CDKL2: variants seen among roughly 807,000 people sequenced by gnomAD.
The protein encoded by CDKL2 is cyclin-dependent kinase-like 2.
A neutral mutation model predicts 63.9 loss-of-function variants in CDKL2; 64 were observed. The ratio of observed to expected loss-of-function variants is 1.00; its 90% CI spans 0.82 to 1.23. CDKL2 has a LOEUF of 1.23. Among genes scored for constraint, CDKL2 ranks in the 50% most tolerant of loss-of-function variants. The probability of loss-of-function intolerance (pLI) is 0.00; values close to 1 mark genes in which losing one functional copy is unlikely to be tolerated. For missense variants in CDKL2, 656 were observed against 668.0 expected (o/e 0.98, Z 0.20); for synonymous variants, 211 against 229.2 (o/e 0.92, Z 0.72).
At chr4:75,583,695 CA>C (rs1162932068) in intron 12 of CDKL2, among the ~76,000 whole-genome samples, 1 of 152,080 alleles carries the variant, frequency 6.6e-6, no homozygotes, top group Non-Finnish European at 1.5e-5. Context: ...ATGTCAACCT[CA>C]AAACCAACGT....
chr4:75,592,328 C>T, intron 10 of CDKL2, 59 bp from the exon 11 acceptor site: 1 of 1,412,584 alleles, frequency 7.1e-7, no homozygotes, highest in Non-Finnish European at 9.3e-7. Context: ...CTAGGCTTTC[C>T]TTCTTCTGTA....
chr4:75,586,521 C>T (rs753180357), intron 12 of CDKL2, among the ~76,000 whole-genome samples: 62 of 152,026 alleles, frequency 4.1e-4, no homozygotes, highest in Middle Eastern at 3.2e-3. Flanking sequence ...TGAGCCACTG[C>T]GCCCAGCCTG....
At chr4:75,581,925 G>T (rs150940905) in intron 12 of CDKL2, 27 bp from the exon 13 acceptor site, 1 of 1,509,024 alleles carries the variant, frequency 6.6e-7, no homozygotes, top group South Asian at 1.1e-5. Context: ...GAGCATCATA[G>T]GTTCTCAGTA....
At chr4:75,625,790 A>G in intron 2 of CDKL2, 31 bp downstream of exon 2, 1 of 1,535,852 alleles carries the variant, frequency 6.5e-7, no homozygotes, top group South Asian at 1.2e-5. Context: ...TTATACTCAT[A>G]TTTTTTGATT....
intron 13 of CDKL2, among the ~76,000 whole-genome samples, chr4:75,579,824 C>G (rs1201748754): frequency 6.6e-6 from 1 of 152,198 alleles, no homozygotes; most frequent in African/African-American, 2.4e-5. Context: ...TGAATTAACT[C>G]AAATGAATGC....
At chr4:75,580,369 CA>C in intron 13 of CDKL2, among the ~76,000 whole-genome samples, 1 of 152,242 alleles carries the variant, frequency 6.6e-6, no homozygotes, top group African/African-American at 2.4e-5. Flanking sequence ...AATTATCATT[CA>C]AAATGGTCTG....
Position 75,625,916 on chromosome 4 carries a change from C to A in CDKL2, c.73G>T (p.Asp25Tyr). Residue 25 changes from aspartate (D) to tyrosine (Y), a missense_variant, in exon 2 of 14, where the codon GAT becomes TAT. By Grantham distance (160) the Asp-to-Tyr change is radical. Coordinates refer to ENST00000307465, the MANE Select transcript of CDKL2 (RefSeq NM_001330724.2). ...TTTATGGCCACAATTCTTCCAGTAT[C>A]TTTATTCCTACACTTCATCACCATT... ...YGMVMKCRNKDTGRIVAIKKF... is the reference protein window; with the variant it reads ...YGMVMKCRNKYTGRIVAIKKF... The A allele has an allele frequency of 6.2e-7, 1 of 1,612,888 alleles. No homozygotes were observed. The highest frequency in any genetic ancestry group is 8.5e-7 in the Non-Finnish European group (1 of 1,179,186).
chr4:75,629,538 A>C (rs1730580636), intron 1 of CDKL2, among the ~76,000 whole-genome samples: 1 of 152,232 alleles, frequency 6.6e-6, no homozygotes, highest in African/African-American at 2.4e-5. Flanking sequence ...AGGTAATACA[A>C]ACGAAAAAGA....
chr4:75,604,105 C>T (rs538403400), intron 5 of CDKL2, 149 bp from the exon 6 acceptor site: 5 of 683,186 alleles, frequency 7.3e-6, no homozygotes, highest in South Asian at 4.1e-5. Flanking sequence ...AAGACAATGC[C>T]GTTACTGTGG....
At chr4:75,608,172 T>G (rs982359661) in intron 3 of CDKL2, among the ~76,000 whole-genome samples, 5 of 131,486 alleles carry the variant, frequency 3.8e-5, no homozygotes, top group African/African-American at 1.4e-4. Flanking sequence ...TCGCCCAGGC[T>G]GGAGTGCAAT....
At chr4:75,604,038 A>C in intron 5 of CDKL2, 82 bp from the exon 6 acceptor site, 1 of 1,321,230 alleles carries the variant, frequency 7.6e-7, no homozygotes, top group African/African-American at 1.5e-5. Flanking sequence ...GAAGTAGAGG[A>C]AATAGTGGAA....
intron 12 of CDKL2, among the ~76,000 whole-genome samples, chr4:75,587,940 C>T (rs1365075614): frequency 2.0e-5 from 3 of 147,500 alleles, no homozygotes; most frequent in Admixed American, 6.8e-5. Context: ...TCAGGCTGGG[C>T]GCGGTGGCTC....
chr4:75,616,695 A>G (rs1230132190), intron 2 of CDKL2, among the ~76,000 whole-genome samples: 6 of 146,918 alleles, frequency 4.1e-5, no homozygotes, highest in African/African-American at 1.5e-4. Flanking sequence ...GCAAGACTCC[A>G]TCTCCAAAAA....
At chr4:75,608,183 G>C (rs1358741303) in intron 3 of CDKL2, among the ~76,000 whole-genome samples, 4 of 131,382 alleles carry the variant, frequency 3.0e-5, no homozygotes, top group Non-Finnish European at 6.2e-5. Context: ...GGAGTGCAAT[G>C]GCGCGATTTC....
chr4:75,622,545 C>T (rs1730194219), intron 2 of CDKL2, among the ~76,000 whole-genome samples: 1 of 151,230 alleles, frequency 6.6e-6, no homozygotes, highest in Admixed American at 6.6e-5. Flanking sequence ...ATGGTGAAAC[C>T]CCGTCTCTAC....
At chr4:75,594,267 G>A (rs1247671902) in intron 10 of CDKL2, among the ~76,000 whole-genome samples, 3 of 151,954 alleles carry the variant, frequency 2.0e-5, no homozygotes, top group Admixed American at 6.6e-5. Context: ...GGCCGACATG[G>A]AGAAACCCCG....
In CDKL2 at chr4:75,630,117, G is replaced by A. The variant is rs1730614382; in HGVS notation, c.-105C>T. ...AACAAATTTGAGGTGAAATGCATAT[G>A]GTTCGCAGGTCCAAAAGATGCTGCC... On this transcript the variant is annotated 5_prime_UTR_variant, in exon 1 of 14. Coordinates refer to ENST00000307465, the MANE Select transcript of CDKL2 (RefSeq NM_001330724.2). 6.6e-6 allele frequency: 1 copy of A among 152,652 alleles called. No individual in the cohort carries two copies. The highest frequency in any genetic ancestry group is 1.5e-5 in the Non-Finnish European group (1 of 68,064). The allele number at this position is 152,652 out of a possible 1,614,324, so 9.5% of individuals were successfully genotyped here.
chr4:75,596,879 G>A, intron 9 of CDKL2, 56 bp downstream of exon 9: 1 of 1,406,122 alleles, frequency 7.1e-7, no homozygotes, highest in Non-Finnish European at 9.8e-7. Context: ...ACAAACCCTT[G>A]CAATTTGCAA....
chr4:75,596,054 G>T, intron 10 of CDKL2, 193 bp downstream of exon 10: 3 of 370,500 alleles, frequency 8.1e-6, no homozygotes, highest in Non-Finnish European at 9.6e-6. Flanking sequence ...GGAGTTTTTA[G>T]ACTCATAAAA....
Sources: gnomAD v4.1 joint callset for allele counts (sites outside exome capture counted in the v4.1 genomes callset) on GRCh38, gnomAD v4.1.1 for gene constraint, MANE v1.5 for transcripts, NCBI Gene and HGNC (gene_info 2026-07-23, HGNC 2026-07-21) for gene names.